Variants in CTIF observed in about 807,000 individuals in gnomAD.
CTIF encodes cap binding complex dependent translation initiation factor, also known as CBP80/20-dependent translation initiation factor.
In CTIF, 21 loss-of-function variants were observed where a neutral mutation model predicts 66.0. That is an observed-to-expected ratio of 0.32 (90% CI 0.23 to 0.46). The LOEUF is 0.46. Among genes scored for constraint, CTIF ranks in the 20% least tolerant of loss-of-function variants. The pLI is 1.00. For missense variants in CTIF, 739 were observed against 812.7 expected, an observed-to-expected ratio of 0.91 and a Z score of 1.10; for synonymous variants, 345 against 326.4, an observed-to-expected ratio of 1.06 and a Z score of -0.62.
chr18:48,773,945 C>A (rs890553644), intron 9 of CTIF, among the ~76,000 whole-genome samples: 4 of 152,144 alleles, frequency 2.6e-5, no homozygotes, highest in African/African-American at 9.7e-5. Context: ...TTCAACCCTC[C>A]GCTCTAAGAG....
intron 7 of CTIF, among the ~76,000 whole-genome samples, chr18:48,745,492 T>C (rs1488242746): frequency 1.3e-5 from 2 of 152,272 alleles, no homozygotes; most frequent in Non-Finnish European, 2.9e-5. Flanking sequence ...CTTCCATTGA[T>C]GATTCTTGCT....
intron 1 of CTIF, among the ~76,000 whole-genome samples, chr18:48,605,725 G>A (rs987021650): frequency 6.6e-6 from 1 of 151,978 alleles, no homozygotes; most frequent in Non-Finnish European, 1.5e-5. Flanking sequence ...CCTGTGGGAG[G>A]AGCTCTTAGG....
At chr18:48,730,572 G>A (rs1480976112) in intron 7 of CTIF, among the ~76,000 whole-genome samples, 1 of 43,374 alleles carries the variant, frequency 2.3e-5, no homozygotes, top group Non-Finnish European at 5.2e-5. Context: ...GGCTTCTGCG[G>A]TGTGAGGGGC....
chr18:48,778,575 A>T (rs756062516), intron 9 of CTIF, among the ~76,000 whole-genome samples: 49 of 152,178 alleles, frequency 3.2e-4, no homozygotes, highest in Non-Finnish European at 6.9e-4. Flanking sequence ...GGGGTAGTTC[A>T]TGGTGTGCCC....
chr18:48,541,005 C>G lies in CTIF; in HGVS notation c.-29+1693C>G, dbSNP rs1451718556. Among the ~76,000 whole-genome samples, 9 of 152,292 alleles carry G rather than the reference C, an allele frequency of 5.9e-5. 1 individual carries two copies. The highest frequency in any genetic ancestry group is 5.2e-4 in the Admixed American group (8 of 15,312). On this transcript the variant is annotated intron_variant, in intron 1 of 11. Coordinates refer to ENST00000256413, the MANE Select transcript of CTIF (RefSeq NM_014772.3). ...CTCCGCGTCCGCGACGCCCCGTGAC[C>G]CGGCAGACTGGGGGTCCACCCGGCG...
chr18:48,854,414 A>T (rs1361598611), intron 10 of CTIF, among the ~76,000 whole-genome samples: 1 of 152,146 alleles, frequency 6.6e-6, no homozygotes. Flanking sequence ...ATGGAAACCC[A>T]TGGCTTTAAC....
Position 48,861,026 on chromosome 18 carries a change from TTTA to T in CTIF, c.*1470_*1472del, listed in dbSNP as rs1296087142. 2 of 152,220 alleles carry T rather than the reference TTTA, an allele frequency of 1.3e-5. No individual in the cohort carries two copies. The highest frequency in any genetic ancestry group is 2.9e-5 in the Non-Finnish European group (2 of 68,088). 9.4% of individuals were successfully genotyped at this position (152,220 alleles called of 1,614,324 possible). On this transcript the variant is annotated 3_prime_UTR_variant, in exon 12 of 12. Transcript: ENST00000256413. ...GCCTAGCCGCTTCCTTATTTGCTCT[TTTA>T]TTGAGGCCGGGCAGGCCCTGGGTCA...
In CTIF at chr18:48,665,395, A is replaced by G. The variant is rs149037626; in HGVS notation, c.431+844A>G. 2.8e-3 allele frequency among the ~76,000 whole-genome samples: 422 copies of G among 152,334 alleles called. 2 individuals are homozygous for G. Among genetic ancestry groups the G allele is most frequent in the African/African-American group, 9.8e-3 (406 of 41,566 alleles). ...TGTCACAGCCTGGGCAGACCTCAGG[A>G]CGGGAATGTGACTCCAGCGAGACAC... On this transcript the variant is annotated intron_variant, in intron 5 of 11. Coordinates refer to ENST00000256413, the MANE Select transcript of CTIF (RefSeq NM_014772.3).
In CTIF at chr18:48,611,765, T is replaced by C. The variant is rs192867572; in HGVS notation, c.-28-7773T>C. ...GTAGGTGAAACAAAAGTCCCACAAA[T>C]TGATAGTTACAATGTGTGCTACATG... On this transcript the variant is annotated intron_variant, in intron 1 of 11. Transcript: ENST00000256413. 3.7e-4 allele frequency among the ~76,000 whole-genome samples: 56 copies of C among 152,334 alleles called. 1 individual carries two copies. The highest frequency in any genetic ancestry group is 2.4e-3 in the Admixed American group (37 of 15,304).
chr18:48,862,568 C>T lies in CTIF; in HGVS notation c.*3009C>T, dbSNP rs1366119199. ...GACCCCATTCTCTCTGTTCGTCCTT[C>T]CTTGACCAGTCTGTAAACCTTCACT... On this transcript the variant is annotated 3_prime_UTR_variant, in exon 12 of 12. Coordinates refer to ENST00000256413, the MANE Select transcript of CTIF (RefSeq NM_014772.3). 1.3e-5 allele frequency: 2 copies of T among 152,846 alleles called. No homozygotes were observed. Among genetic ancestry groups the T allele is most frequent in the East Asian group, 3.9e-4 (2 of 5,182 alleles). 9.5% of individuals were successfully genotyped at this position (152,846 alleles called of 1,614,324 possible).
intron 1 of CTIF, among the ~76,000 whole-genome samples, chr18:48,556,768 T>G (rs1481797911): frequency 6.6e-6 from 1 of 152,166 alleles, no homozygotes; most frequent in Non-Finnish European, 1.5e-5. Context: ...TTTCACCATG[T>G]TGGCCAGGCT....
At chr18:48,626,589 C>A (rs12953483) in intron 2 of CTIF, among the ~76,000 whole-genome samples, 22,673 of 150,692 alleles carry the variant, frequency 0.15, 1,845 homozygotes, top group South Asian at 0.26. Flanking sequence ...CTTGTGATCC[C>A]CTCCCATGGC....
rs368456176 is a variant in CTIF, at chr18:48,797,283, G to A, written c.1372-19938G>A. Reference sequence around the variant, plus strand: ...AGATCACTTGAGGCCAGGAGTTCAAGACCAGCCTGGCCAACATGGTGAAAC... The same window carrying A: ...AGATCACTTGAGGCCAGGAGTTCAAAACCAGCCTGGCCAACATGGTGAAAC... On this transcript the variant is annotated intron_variant, in intron 9 of 11. Coordinates refer to ENST00000256413, the MANE Select transcript of CTIF (RefSeq NM_014772.3). Among the ~76,000 whole-genome samples the A allele has an allele frequency of 2.9e-4, 44 of 152,290 alleles. No homozygotes were observed. In the South Asian group the frequency reaches 8.7e-3, roughly 30 times the overall value.
At chr18:48,728,521 C>T (rs768683062) in intron 7 of CTIF, among the ~76,000 whole-genome samples, 2 of 152,162 alleles carry the variant, frequency 1.3e-5, no homozygotes, top group Non-Finnish European at 2.9e-5. Context: ...CAGGGTCTCT[C>T]GTGAGATTGT....
chr18:48,636,837 C>G (rs1381859550), intron 3 of CTIF, 152 bp downstream of exon 3: 3 of 471,590 alleles, frequency 6.4e-6, no homozygotes, highest in Non-Finnish European at 1.1e-5. Context: ...CTGGAAAGCC[C>G]TCCCTAACTC....
chr18:48,627,258 C>T (rs2090620471), intron 2 of CTIF, among the ~76,000 whole-genome samples: 1 of 152,146 alleles, frequency 6.6e-6, no homozygotes, highest in Non-Finnish European at 1.5e-5. Context: ...AACATTTATT[C>T]ATTCAGGCTC....
intron 10 of CTIF, among the ~76,000 whole-genome samples, chr18:48,848,098 C>T (rs1194655562): frequency 6.6e-6 from 1 of 152,228 alleles, no homozygotes; most frequent in African/African-American, 2.4e-5. Flanking sequence ...TCTTCTGACT[C>T]TGCCTCATTC....
At chr18:48,568,408 G>A (rs1178388981) in intron 1 of CTIF, 1 of 151,996 alleles carries the variant, frequency 6.6e-6, no homozygotes, top group African/African-American at 2.4e-5. Context: ...CCCCACCCAA[G>A]GTCACTTAGC....
chr18:48,830,890 C>T (rs1165132299), intron 10 of CTIF, among the ~76,000 whole-genome samples: 5 of 152,140 alleles, frequency 3.3e-5, no homozygotes, highest in African/African-American at 9.7e-5. Context: ...AGGCAGGGAA[C>T]GTGTCTATTC....
Sources: allele counts gnomAD v4.1 joint callset (sites outside exome capture counted in the v4.1 genomes callset), GRCh38; gene constraint gnomAD v4.1.1; transcripts MANE v1.5; gene names NCBI Gene and HGNC (gene_info 2026-07-23, HGNC 2026-07-21).